The following IGSF6 variants were observed in gnomAD, a reference collection of about 807,000 sequenced individuals.
The protein encoded by IGSF6 is down-regulated by activation (immunoglobulin superfamily).
IGSF6 carries 23 observed loss-of-function variants against 24.7 expected under a neutral mutation model. That is an observed-to-expected ratio of 0.93 (90% confidence interval 0.67 to 1.32). The LOEUF (loss-of-function observed/expected upper bound fraction) is 1.32. IGSF6 is among the 40% of genes most tolerant of loss of function. IGSF6 has a pLI of 0.00. For synonymous variants in IGSF6, 110 were observed against 113.7 expected, an observed-to-expected ratio of 0.97 and a Z score of 0.21; for missense variants, 295 against 293.6, an observed-to-expected ratio of 1.00 and a Z score of -0.04.
chr16:21,646,736 C>T, intron 2 of IGSF6: 1 of 294,824 alleles, frequency 3.4e-6, no homozygotes, highest in Non-Finnish European at 6.7e-6. Flanking sequence ...TTCACTGCAA[C>T]CTTCGCCTCC....
chr16:21,646,022 T>G (rs1281703651), intron 2 of IGSF6, among the ~76,000 whole-genome samples: 1 of 152,188 alleles, frequency 6.6e-6, no homozygotes, highest in African/African-American at 2.4e-5. Context: ...TGGTTGATTT[T>G]GAGTTCATGT....
In IGSF6 at chr16:21,643,155, C is replaced by G. The variant is rs1056938477; in HGVS notation, c.586-1G>C. On this transcript the variant is annotated splice_acceptor_variant, in intron 4 of 5. Transcript: ENST00000268389. LOFTEE classifies it high-confidence loss of function. ...GAAAAATACGCCGAGCACTCTTCTTCTATAAAGACAAATGAGAAAAAAAAA... is the reference window on the plus strand; with the variant it reads ...GAAAAATACGCCGAGCACTCTTCTTGTATAAAGACAAATGAGAAAAAAAAA... 6.3e-7 allele frequency: 1 copy of G among 1,598,686 alleles called. No homozygotes were observed. The highest frequency in any genetic ancestry group is 8.5e-7 in the Non-Finnish European group (1 of 1,170,894).
At chr16:21,643,003 C>T in intron 5 of IGSF6, 71 bp downstream of exon 5, 1 of 993,214 alleles carries the variant, frequency 1.0e-6, no homozygotes, top group South Asian at 1.3e-5. Context: ...TTGACAGCTC[C>T]TTGGCAGCTT....
rs1276848252 is a variant in IGSF6 at position 21,639,639 on chromosome 16, A to G, written c.*1895T>C. The G allele has an allele frequency of 6.6e-6, 1 of 152,206 alleles. No homozygotes were observed. Among genetic ancestry groups the G allele is most frequent in the Admixed American group, 6.5e-5 (1 of 15,280 alleles). 9.4% of individuals were successfully genotyped at this position (152,206 alleles called of 1,614,324 possible). ...TTTAATTTGTTTTTGTGTATAAGGT[A>G]CAAAGGTACATTTTCATGCATATAC... On this transcript the variant is annotated 3_prime_UTR_variant, in exon 6 of 6. Transcript: ENST00000268389.
At chr16:21,644,750 A>G (rs1324002525) in intron 2 of IGSF6, among the ~76,000 whole-genome samples, 1 of 152,222 alleles carries the variant, frequency 6.6e-6, no homozygotes, top group African/African-American at 2.4e-5. Context: ...CTTTTGGTAG[A>G]AACGGTTTAC....
At chr16:21,648,641 A>G (rs1381457153) in intron 1 of IGSF6, among the ~76,000 whole-genome samples, 1 of 152,244 alleles carries the variant, frequency 6.6e-6, no homozygotes, top group Non-Finnish European at 1.5e-5. Context: ...GAAGCTGGAA[A>G]GCCACTCGAG....
chr16:21,649,153 C>T (rs546039467), intron 1 of IGSF6, among the ~76,000 whole-genome samples: 1 of 152,138 alleles, frequency 6.6e-6, no homozygotes, highest in East Asian at 1.9e-4. Flanking sequence ...GCACTGTGCC[C>T]AGCTAATTTT....
intron 3 of IGSF6, 78 bp downstream of exon 3, chr16:21,644,212 G>A: frequency 1.9e-6 from 2 of 1,059,026 alleles, no homozygotes; most frequent in East Asian, 4.8e-5. Flanking sequence ...CCCATAACTT[G>A]TGGAGAGATA....
chr16:21,649,545 T>C (rs1175367127), intron 1 of IGSF6, among the ~76,000 whole-genome samples: 1 of 152,128 alleles, frequency 6.6e-6, no homozygotes, highest in Non-Finnish European at 1.5e-5. Flanking sequence ...ACAAGTACAG[T>C]GAAACATTTT....
intron 4 of IGSF6, 46 bp downstream of exon 4, chr16:21,643,502 C>T: frequency 1.6e-6 from 2 of 1,249,172 alleles, no homozygotes; most frequent in Non-Finnish European, 2.3e-6. Context: ...GAAATCGTTA[C>T]AACCAGCCAC....
chr16:21,647,183 G>A lies in IGSF6; in HGVS notation c.377C>T (p.Pro126Leu), dbSNP rs186067099. The A allele has an allele frequency of 1.0e-4, 168 of 1,614,036 alleles. No homozygotes were observed. The East Asian group carries it at 1.1e-3, about 11-fold the overall frequency. The change falls in exon 2 of 6, where the codon CCG (proline) becomes CTG (leucine). Residue 126 changes from proline (P) to leucine (L), a missense_variant. Coordinates refer to ENST00000268389, the MANE Select transcript of IGSF6 (RefSeq NM_005849.4). ...TCCTGTCTGTTTAGCTCTCGCTTCC[G>A]GCACACTGGGGAATGCTATTCCACA... ...YICGIAFPSV[P>L]EARAKQTGGG...
Position 21,641,424 on chromosome 16 carries a change from T to A in IGSF6, c.*110A>T. 1 of 523,358 alleles carries A rather than the reference T, an allele frequency of 1.9e-6. No homozygotes were observed. Among genetic ancestry groups the A allele is most frequent in the Non-Finnish European group, 3.3e-6 (1 of 298,608 alleles). The allele number at this position is 523,358 out of a possible 1,614,324, so 32.4% of individuals were successfully genotyped here. A position where few individuals can be genotyped will look rare whatever the true frequency, so the allele number is the denominator to read the frequency against. ...ACATCCTTCTTTGTAGCCAGTTGTC[T>A]TTTCAGTTTACCTTTATTTTTTTTT... On this transcript the variant is annotated 3_prime_UTR_variant, in exon 6 of 6. Coordinates refer to ENST00000268389, the MANE Select transcript of IGSF6 (RefSeq NM_005849.4).
rs760364129 is a variant in IGSF6, at chr16:21,644,323, G to A, written c.501C>T (p.Thr167=). ...GGAGTATGAAGGCCACGCACACACC[G>A]GTCACATAGACAGAGAGCAGTGATA... ...ALVSLLSVYV[T]GVCVAFILLS... is the part of the protein sequence containing the mutation. The change falls in exon 3 of 6, where the codon ACC becomes ACT. Residue 167 remains threonine, a synonymous_variant. Transcript: ENST00000268389. The A allele has an allele frequency of 8.7e-6, 14 of 1,613,622 alleles. No homozygotes were observed. The highest frequency in any genetic ancestry group is 1.6e-4 in the Middle Eastern group (1 of 6,082).
chr16:21,650,367 G>A (rs1966536411), intron 1 of IGSF6, among the ~76,000 whole-genome samples: 1 of 152,058 alleles, frequency 6.6e-6, no homozygotes, highest in Non-Finnish European at 1.5e-5. Context: ...AATTAGCCAG[G>A]TGTGGTGGTG....
rs1449490695 is a variant in IGSF6 at position 21,640,227 on chromosome 16, C to T, written c.*1307G>A. 9 of 152,066 alleles carry T rather than the reference C, an allele frequency of 5.9e-5. No homozygotes were observed. The highest frequency in any genetic ancestry group is 1.3e-4 in the Non-Finnish European group (9 of 68,022). 9.4% of individuals were successfully genotyped at this position (152,066 alleles called of 1,614,324 possible). On this transcript the variant is annotated 3_prime_UTR_variant, in exon 6 of 6. Coordinates refer to ENST00000268389, the MANE Select transcript of IGSF6 (RefSeq NM_005849.4). Reference sequence around the variant, plus strand: ...TGTTGGGATTACAGGCGTGAGCCACCACACCCGGCCTAAAAGAGACACTTT... The same window carrying T: ...TGTTGGGATTACAGGCGTGAGCCACTACACCCGGCCTAAAAGAGACACTTT...
Position 21,644,328 on chromosome 16 carries a change from C to T in IGSF6, c.496G>A (p.Val166Met), listed in dbSNP as rs1013950435. 10 of 1,613,870 alleles carry T rather than the reference C, an allele frequency of 6.2e-6. No homozygotes were observed. The African/African-American group carries it at 1.2e-4, about 19-fold the overall frequency. Residue 166 changes from valine (V) to methionine (M), a missense_variant, in exon 3 of 6, where the codon GTG (valine) becomes ATG (methionine). By Grantham distance (21) the Val-to-Met change is conservative (BLOSUM62 1). Transcript: ENST00000268389. ...TALVSLLSVY[V>M]TGVCVAFILL... ...ATGAAGGCCACGCACACACCGGTCA[C>T]ATAGACAGAGAGCAGTGATACAAGA...
chr16:21,648,041 G>A (rs1188380378), intron 1 of IGSF6, among the ~76,000 whole-genome samples: 1 of 152,118 alleles, frequency 6.6e-6, no homozygotes, highest in Non-Finnish European at 1.5e-5. Flanking sequence ...TGTGAGCCTG[G>A]TGTCCCTTTG....
chr16:21,649,941 T>C (rs1441742019), intron 1 of IGSF6, among the ~76,000 whole-genome samples: 1 of 152,104 alleles, frequency 6.6e-6, no homozygotes, highest in Non-Finnish European at 1.5e-5. Flanking sequence ...ACTCCTGGGC[T>C]CAAGCAATCC....
chr16:21,643,533 A>G lies in IGSF6; in HGVS notation c.585+15T>C, dbSNP rs1435283884. 6.6e-7 allele frequency: 1 copy of G among 1,521,960 alleles called. No individual in the cohort carries two copies. The allele number at this position is 1,521,960 out of a possible 1,614,324, so 94.3% of individuals were successfully genotyped here. On this transcript the variant is annotated intron_variant, in intron 4 of 5. Transcript: ENST00000268389. ...GCCACAATTTAAAAAATATTTTTCAAGTGTTGGTCTGTACCTTTTGTGAGT... is the reference window on the plus strand; with the variant it reads ...GCCACAATTTAAAAAATATTTTTCAGGTGTTGGTCTGTACCTTTTGTGAGT...
Sources: allele counts gnomAD v4.1 joint callset (sites outside exome capture counted in the v4.1 genomes callset), GRCh38; gene constraint gnomAD v4.1.1; transcripts MANE v1.5; gene names NCBI Gene and HGNC (gene_info 2026-07-23, HGNC 2026-07-21).